ADAM11: variants seen among roughly 807,000 people sequenced by gnomAD.
The protein encoded by ADAM11 is disintegrin and metalloproteinase domain-containing protein 11.
A neutral mutation model predicts 119.1 loss-of-function variants in ADAM11; 49 were observed. The observed-to-expected ratio is 0.41, with a 90% CI of 0.33 to 0.52. The LOEUF (loss-of-function observed/expected upper bound fraction) is 0.52, where lower values mean the gene tolerates loss of function less well. Ranked by LOEUF, ADAM11 falls within the 20% of genes least tolerant of loss-of-function variation. The pLI, the probability that ADAM11 is intolerant of heterozygous loss-of-function variation, is 0.20. For synonymous variants in ADAM11, 364 were observed against 408.0 expected (o/e 0.89, Z 1.30); for missense variants, 777 against 1,047.5 (o/e 0.74, Z 3.56).
Position 44,777,326 on chromosome 17 carries a change from G to A in ADAM11, c.1781+61G>A. 6.4e-7 allele frequency: 1 copy of A among 1,553,574 alleles called. No homozygotes were observed. Among genetic ancestry groups the A allele is most frequent in the South Asian group, 1.2e-5 (1 of 84,952 alleles). The stretch of plus-strand genomic sequence containing the variant: ...CAGGGCAGGTGTGAGACTTTTCAGA[G>A]ATGGGGCAGCAGGTTCTCCCAGGAG... On this transcript the variant is annotated intron_variant, in intron 21 of 26. Coordinates refer to ENST00000200557, the MANE Select transcript of ADAM11 (RefSeq NM_002390.6). The surrounding 1 kb of genome is among the most constrained non-coding windows in gnomAD (Gnocchi z 5.1).
rs2049573367 is a variant in ADAM11 at position 44,774,591 on chromosome 17, C to T, written c.1168+9C>T. ...ACACCGGAGCTCGGCAGGTATCCTC[C>T]CCCAGAGGCCCCCGTGTGGCCCACG... On this transcript the variant is annotated intron_variant, in intron 13 of 26. Transcript: ENST00000200557. 6 of 1,610,714 alleles carry T rather than the reference C, an allele frequency of 3.7e-6. No homozygotes were observed. Among genetic ancestry groups the T allele is most frequent in the East Asian group, 2.2e-5 (1 of 44,846 alleles).
At chr17:44,761,517 G>C (rs1236100932) in intron 2 of ADAM11, among the ~76,000 whole-genome samples, 1 of 152,072 alleles carries the variant, frequency 6.6e-6, no homozygotes, top group Non-Finnish European at 1.5e-5. Context: ...GTGCATGTGA[G>C]GTGTGTATGT....
chr17:44,764,734 G>A (rs1179674194), intron 2 of ADAM11, among the ~76,000 whole-genome samples: 5 of 152,124 alleles, frequency 3.3e-5, no homozygotes, highest in East Asian at 1.9e-4. Flanking sequence ...TTCATAAAAT[G>A]GGGATGCTCA....
chr17:44,772,795 C>A lies in ADAM11; in HGVS notation c.679-62C>A. 2 of 1,514,398 alleles carry A rather than the reference C, an allele frequency of 1.3e-6. No individual in the cohort carries two copies. Among genetic ancestry groups the A allele is most frequent in the South Asian group, 1.2e-5 (1 of 86,310 alleles). 93.8% of individuals were successfully genotyped at this position (1,514,398 alleles called of 1,614,324 possible). A position where few individuals can be genotyped will look rare whatever the true frequency, so the allele number is the denominator to read the frequency against. ...CCATCCCCACCGAGTCTGTTCCTGG[C>A]TTGGCCATGAGATCAGTCAGACATG... On this transcript the variant is annotated intron_variant, in intron 8 of 26. Transcript: ENST00000200557. This position sits in a 1 kb window ranked among gnomAD's most constrained non-coding sequence, Gnocchi z 4.5.
intron 1 of ADAM11, 97 bp downstream of exon 1, chr17:44,759,357 G>T: frequency 7.8e-7 from 1 of 1,278,376 alleles, no homozygotes; most frequent in Non-Finnish European, 9.9e-7. Context: ...GCAGTGCTCG[G>T]GGTGACAGCC....
intron 13 of ADAM11, 44 bp downstream of exon 13, chr17:44,774,626 T>A: frequency 6.2e-7 from 1 of 1,603,386 alleles, no homozygotes; most frequent in Non-Finnish European, 8.5e-7. Context: ...GCCCAGCAGC[T>A]CTGGAACGGG....
Position 44,772,008 on chromosome 17 carries a change from C to A in ADAM11, c.543+177C>A, listed in dbSNP as rs191176199. On this transcript the variant is annotated intron_variant, in intron 6 of 26. Transcript: ENST00000200557. The surrounding 1 kb of genome is among the most constrained non-coding windows in gnomAD (Gnocchi z 4.5). ...CTCCTGTGCCCCAGCTCCCCCTGTG[C>A]CCCCAGCTCCAATGTCCCATCTGTC... Among the ~76,000 whole-genome samples, 1 of 152,120 alleles carries A rather than the reference C, an allele frequency of 6.6e-6. No homozygotes were observed. Among genetic ancestry groups the A allele is most frequent in the African/African-American group, 2.4e-5 (1 of 41,422 alleles).
chr17:44,776,774 TTAC>T lies in ADAM11; in HGVS notation c.1601_1603del (p.Tyr534del). On this transcript the variant is annotated inframe_deletion, in exon 19 of 27. Coordinates refer to ENST00000200557, the MANE Select transcript of ADAM11 (RefSeq NM_002390.6). This position sits in a 1 kb window ranked among gnomAD's most constrained non-coding sequence, Gnocchi z 5.2. ...CGCCTAACCTGCACAAGCTGGACGGTTACTACTGTGACCATGAGCAGGTATGAT... is the reference window on the plus strand; with the variant it reads ...CGCCTAACCTGCACAAGCTGGACGGTTACTGTGACCATGAGCAGGTATGAT... 6.2e-7 allele frequency: 1 copy of T among 1,614,088 alleles called. No individual in the cohort carries two copies. The highest frequency in any genetic ancestry group is 2.2e-5 in the East Asian group (1 of 44,878).
At position 44,780,057 on chromosome 17, in the gene ADAM11, G is replaced by T; in HGVS notation, c.*303G>T. 1 of 683,026 alleles carries T rather than the reference G, an allele frequency of 1.5e-6. No individual in the cohort carries two copies. The highest frequency in any genetic ancestry group is 2.7e-6 in the Non-Finnish European group (1 of 372,266). 42.3% of individuals were successfully genotyped at this position (683,026 alleles called of 1,614,324 possible). On this transcript the variant is annotated 3_prime_UTR_variant, in exon 27 of 27. Coordinates refer to ENST00000200557, the MANE Select transcript of ADAM11 (RefSeq NM_002390.6). The stretch of plus-strand genomic sequence containing the variant: ...TCATGGATTGCCACAGCTCAACTCG[G>T]GGGCGCCTGGAGGGATGCCCCCAGG...
chr17:44,759,509 TG>T (rs1221380297), intron 1 of ADAM11: 32 of 1,241,502 alleles, frequency 2.6e-5, no homozygotes, highest in Non-Finnish European at 3.0e-5. Flanking sequence ...TTTGGGCGGA[TG>T]GGGGGGCAGT....
rs1357132265 is a variant in ADAM11, at chr17:44,759,861, G to A, written c.201G>A (p.Leu67=). ...SSGGEVRKQQ[L]DTRVRQEPPG... ...GGGGAGAGGTCCGAAAGCAGCAGCTGGACACAAGGGTCCGCCAGGAGCCAC... is the reference window on the plus strand; with the variant it reads ...GGGGAGAGGTCCGAAAGCAGCAGCTAGACACAAGGGTCCGCCAGGAGCCAC... The change falls in exon 2 of 27, where the codon CTG becomes CTA. Residue 67 remains leucine, a synonymous_variant. Transcript: ENST00000200557. The A allele has an allele frequency of 2.3e-6, 3 of 1,312,216 alleles. No individual in the cohort carries two copies. The highest frequency in any genetic ancestry group is 3.1e-5 in the South Asian group (1 of 31,990). 81.3% of individuals were successfully genotyped at this position (1,312,216 alleles called of 1,614,324 possible).
chr17:44,760,336 G>A (rs547379515), intron 2 of ADAM11, among the ~76,000 whole-genome samples: 3 of 152,300 alleles, frequency 2.0e-5, no homozygotes, highest in Admixed American at 6.5e-5. Flanking sequence ...GAACAACTTA[G>A]TGCTTGCTCC....
In ADAM11 at chr17:44,771,765, C is replaced by T; in HGVS notation, c.477C>T (p.Phe159=). Residue 159 remains phenylalanine (F), a synonymous_variant, in exon 6 of 27, where the codon TTC becomes TTT. Coordinates refer to ENST00000200557, the MANE Select transcript of ADAM11 (RefSeq NM_002390.6). ...LSTCQGLHGV[F]SDGNLTYIVE... ...GCCTCTCTCTCCACAGTGGGGTCTT[C>T]TCTGATGGGAACTTGACTTACATCG... The T allele has an allele frequency of 6.2e-7, 1 of 1,613,832 alleles. No homozygotes were observed. The highest frequency in any genetic ancestry group is 2.2e-5 in the East Asian group (1 of 44,866).
intron 25 of ADAM11, among the ~76,000 whole-genome samples, chr17:44,778,713 A>AAAAAAAAAAAAAAG (rs71136047): frequency 0.017 from 1,387 of 80,126 alleles, 173 homozygotes; most frequent in Non-Finnish European, 0.023. Context: ...AAAAAAAAAA[A>AAAAAAAAAAAAAAG]GAAAGAAAGA....
rs772038501 is a variant in ADAM11 at position 44,772,946 on chromosome 17, A to G, written c.753+15A>G. ...ACCACCAGCTGGTGAGTGCCAGGGCAGGGACAGGGCGTGACACTGGGAGGC... is the reference window on the plus strand; with the variant it reads ...ACCACCAGCTGGTGAGTGCCAGGGCGGGGACAGGGCGTGACACTGGGAGGC... On this transcript the variant is annotated intron_variant, in intron 9 of 26. Coordinates refer to ENST00000200557, the MANE Select transcript of ADAM11 (RefSeq NM_002390.6). This position sits in a 1 kb window ranked among gnomAD's most constrained non-coding sequence, Gnocchi z 4.5. 5 of 1,613,996 alleles carry G rather than the reference A, an allele frequency of 3.1e-6. No homozygotes were observed. In the South Asian group the frequency reaches 5.5e-5, roughly 18 times the overall value.
At chr17:44,770,492 C>CT (rs1567690677) in intron 4 of ADAM11, among the ~76,000 whole-genome samples, 10 of 57,034 alleles carry the variant, frequency 1.8e-4, no homozygotes, top group African/African-American at 5.1e-4. Flanking sequence ...CCTGTCTCCC[C>CT]CCCCCCCGCC....
chr17:44,759,971 G>C (rs1567685963), intron 2 of ADAM11, 74 bp downstream of exon 2: 1 of 1,231,818 alleles, frequency 8.1e-7, no homozygotes, highest in Non-Finnish European at 1.0e-6. Flanking sequence ...GGGGTAACCA[G>C]GGTTGGAGTC....
rs1037353307 is a variant in ADAM11 at position 44,777,840 on chromosome 17, C to A, written c.2047C>A (p.Arg683Ser). The A allele has an allele frequency of 6.2e-7, 1 of 1,613,604 alleles. No homozygotes were observed. The highest frequency in any genetic ancestry group is 8.5e-7 in the Non-Finnish European group (1 of 1,180,002). ...CAGCACCTGCCCCGGCAGTGGGGAG[C>A]GCCGGATTTGCTCCCACCACGGGGT... ...NFSTCPGSGE[R>S]RICSHHGVCS... The change falls in exon 23 of 27, where the codon CGC becomes AGC. Residue 683 changes from arginine to serine, a missense_variant. Physicochemically the swap from Arg to Ser is moderately radical, Grantham distance 110. Coordinates refer to ENST00000200557, the MANE Select transcript of ADAM11 (RefSeq NM_002390.6). This position sits in a 1 kb window ranked among gnomAD's most constrained non-coding sequence, Gnocchi z 5.1.
At chr17:44,769,922 G>A in intron 3 of ADAM11, 60 bp from the exon 4 acceptor site, 1 of 1,610,898 alleles carries the variant, frequency 6.2e-7, no homozygotes, top group Non-Finnish European at 8.5e-7. Context: ...CCTGAGGCGA[G>A]CCTCAAGCCC....
Sources: gnomAD v4.1 joint callset for allele counts (sites outside exome capture counted in the v4.1 genomes callset) on GRCh38, gnomAD v4.1.1 for gene constraint, Gnocchi (gnomAD v3.1) non-coding constraint, MANE v1.5 for transcripts, NCBI Gene and HGNC (gene_info 2026-07-23, HGNC 2026-07-21) for gene names.